MCU: variants seen among roughly 807,000 people sequenced by gnomAD.
The protein encoded by MCU is mitochondrial calcium uniporter, also known as calcium uniporter protein, mitochondrial.
A neutral mutation model predicts 45.2 loss-of-function variants in MCU; 12 were observed. That is an observed-to-expected ratio of 0.27 (90% CI 0.17 to 0.43). The LOEUF is 0.43. Among genes scored for constraint, MCU ranks in the 20% least tolerant of loss-of-function variants. The pLI, the probability that MCU is intolerant of heterozygous loss-of-function variation, is 1.00. For missense variants in MCU, 324 were observed against 436.7 expected (o/e 0.74, Z 2.30); for synonymous variants, 160 against 165.1 (o/e 0.97, Z 0.24).
intron 1 of MCU, among the ~76,000 whole-genome samples, chr10:72,697,601 T>A (rs1842706572): frequency 6.6e-6 from 1 of 151,332 alleles, no homozygotes; most frequent in Non-Finnish European, 1.5e-5. Context: ...GCCCGGCTAA[T>A]GTTTTTGTAT....
intron 1 of MCU, among the ~76,000 whole-genome samples, chr10:72,695,883 G>A (rs915729729): frequency 1.3e-5 from 2 of 151,436 alleles, no homozygotes; most frequent in Non-Finnish European, 2.9e-5. Context: ...AATTTTTTTG[G>A]CTGGGTGCGG....
chr10:72,738,300 G>C (rs1410379348), intron 1 of MCU, among the ~76,000 whole-genome samples: 1 of 152,118 alleles, frequency 6.6e-6, no homozygotes, highest in East Asian at 1.9e-4. Flanking sequence ...ATCAAAAATA[G>C]CCTCCTGGAG....
intron 4 of MCU, chr10:72,861,873 A>G: frequency 3.5e-6 from 1 of 289,794 alleles, no homozygotes; most frequent in Non-Finnish European, 6.8e-6. Context: ...AAAATTTTAA[A>G]TAAAGACAGA....
chr10:72,840,737 A>G (rs1458695056), intron 2 of MCU, among the ~76,000 whole-genome samples: 1 of 152,232 alleles, frequency 6.6e-6, no homozygotes, highest in East Asian at 1.9e-4. Context: ...CTTAAATACA[A>G]AGTTGTGAAA....
intron 1 of MCU, among the ~76,000 whole-genome samples, chr10:72,716,797 A>G (rs887492058): frequency 2.6e-5 from 4 of 151,984 alleles, no homozygotes; most frequent in Non-Finnish European, 5.9e-5. Flanking sequence ...GCTTGAGCCC[A>G]GGAAATTTGA....
At chr10:72,731,104 T>TA (rs1486806582) in intron 1 of MCU, 1 of 152,190 alleles carries the variant, frequency 6.6e-6, no homozygotes, top group Non-Finnish European at 1.5e-5. Context: ...TATATATATA[T>TA]TTTTAATTCT....
At chr10:72,873,581 C>G (rs553051158) in intron 6 of MCU, among the ~76,000 whole-genome samples, 6 of 152,216 alleles carry the variant, frequency 3.9e-5, no homozygotes, top group Admixed American at 3.3e-4. Context: ...CTGACCGTTT[C>G]CTTTGCCGTA....
At chr10:72,861,999 T>C (rs926193431) in intron 4 of MCU, among the ~76,000 whole-genome samples, 6 of 149,642 alleles carry the variant, frequency 4.0e-5, no homozygotes, top group African/African-American at 1.5e-4. Context: ...TTTTTTTTTT[T>C]GAGACTGAGT....
intron 1 of MCU, among the ~76,000 whole-genome samples, chr10:72,787,100 C>T (rs1318846205): frequency 6.6e-6 from 1 of 152,162 alleles, no homozygotes; most frequent in Non-Finnish European, 1.5e-5. Flanking sequence ...TTAAGCTAAA[C>T]AAAACATGAT....
At chr10:72,736,099 A>G (rs1843249179) in intron 1 of MCU, among the ~76,000 whole-genome samples, 1 of 152,246 alleles carries the variant, frequency 6.6e-6, no homozygotes, top group Admixed American at 6.5e-5. Context: ...CAATTTTTCA[A>G]AAGTAACTTA....
intron 1 of MCU, among the ~76,000 whole-genome samples, chr10:72,773,069 T>C (rs1843836401): frequency 1.3e-5 from 2 of 152,206 alleles, no homozygotes; most frequent in South Asian, 4.1e-4. Flanking sequence ...TGGCTAATTT[T>C]TGAATATTTT....
intron 1 of MCU, among the ~76,000 whole-genome samples, chr10:72,823,115 A>G (rs899506140): frequency 1.3e-5 from 2 of 152,198 alleles, no homozygotes; most frequent in African/African-American, 4.8e-5. Flanking sequence ...AACAACCCAA[A>G]TGGTCATTGA....
chr10:72,850,027 C>G (rs1037949890), intron 2 of MCU, among the ~76,000 whole-genome samples: 5 of 151,940 alleles, frequency 3.3e-5, no homozygotes, highest in African/African-American at 1.2e-4. Context: ...AATTCTCTTG[C>G]CTCAGGTGCC....
intron 1 of MCU, among the ~76,000 whole-genome samples, chr10:72,831,352 TA>T (rs1844876057): frequency 6.6e-6 from 1 of 151,978 alleles, no homozygotes; most frequent in Non-Finnish European, 1.5e-5. Context: ...AATAATCTAA[TA>T]AACGAAACCG....
chr10:72,821,867 C>G (rs1001820367), intron 1 of MCU, among the ~76,000 whole-genome samples: 1 of 152,120 alleles, frequency 6.6e-6, no homozygotes, highest in South Asian at 2.1e-4. Flanking sequence ...AAAGCAAGTC[C>G]TAATACATTT....
At chr10:72,773,609 A>G (rs1421022283) in intron 1 of MCU, among the ~76,000 whole-genome samples, 1 of 152,202 alleles carries the variant, frequency 6.6e-6, no homozygotes, top group Non-Finnish European at 1.5e-5. Flanking sequence ...CTTGAAAAAG[A>G]TAGAAATATC....
At chr10:72,706,012 A>G (rs1459524685) in intron 1 of MCU, among the ~76,000 whole-genome samples, 2 of 152,040 alleles carry the variant, frequency 1.3e-5, no homozygotes, top group Non-Finnish European at 2.9e-5. Flanking sequence ...TCTGTTTATT[A>G]TATGTTTATT....
intron 2 of MCU, among the ~76,000 whole-genome samples, chr10:72,853,280 A>G (rs1359845770): frequency 6.6e-6 from 1 of 152,232 alleles, no homozygotes; most frequent in Non-Finnish European, 1.5e-5. Context: ...AAGGAAAAAT[A>G]TAAGTATAAT....
chr10:72,819,068 G>A (rs1295460057), intron 1 of MCU, among the ~76,000 whole-genome samples: 1 of 152,120 alleles, frequency 6.6e-6, no homozygotes, highest in Admixed American at 6.5e-5. Flanking sequence ...AAGATATTTT[G>A]TGGGATGACA....
Sources: allele counts gnomAD v4.1 joint callset (sites outside exome capture counted in the v4.1 genomes callset), GRCh38; gene constraint gnomAD v4.1.1; transcripts MANE v1.5; gene names NCBI Gene and HGNC (gene_info 2026-07-23, HGNC 2026-07-21).